The following TPMT variants were observed in gnomAD, a reference collection of about 807,000 sequenced individuals.
TPMT encodes thiopurine S-methyltransferase.
A neutral mutation model predicts 34.2 loss-of-function variants in TPMT; 18 were observed. That is an observed-to-expected ratio of 0.53 (90% CI 0.36 to 0.78). TPMT has a LOEUF of 0.78. Among genes scored for constraint, TPMT ranks in the 30% least tolerant of loss-of-function variants. The probability of loss-of-function intolerance (pLI) is 0.00; values close to 1 mark genes in which losing one functional copy is unlikely to be tolerated. For missense variants in TPMT, 265 were observed against 288.1 expected (o/e 0.92, Z 0.58); for synonymous variants, 69 against 92.4 (o/e 0.75, Z 1.45).
At position 18,150,787 on chromosome 6, in the gene TPMT, G is replaced by A. The variant is rs565350140; in HGVS notation, c.-44-1616C>T. On this transcript the variant is annotated intron_variant, in intron 1 of 8. Transcript: ENST00000309983. This position sits in a 1 kb window ranked among gnomAD's most constrained non-coding sequence, Gnocchi z 5.3. Reference sequence around the variant, plus strand: ...TGGTTAGAAGTGTGGGGGCCATAGGGGGTTGGGCACCCTAAAGGTTTAGTG... The same window carrying A: ...TGGTTAGAAGTGTGGGGGCCATAGGAGGTTGGGCACCCTAAAGGTTTAGTG... Among the ~76,000 whole-genome samples the A allele has an allele frequency of 1.4e-4, 22 of 152,260 alleles. No homozygotes were observed. The highest frequency in any genetic ancestry group is 1.3e-3 in the Admixed American group (20 of 15,282).
At position 18,138,630 on chromosome 6, in the gene TPMT, T is replaced by C. The variant is rs1435907214; in HGVS notation, c.494+333A>G. Among the ~76,000 whole-genome samples the C allele has an allele frequency of 1.3e-5, 2 of 152,122 alleles. No individual in the cohort carries two copies. The highest frequency in any genetic ancestry group is 2.1e-4 in the South Asian group (1 of 4,826). On this transcript the variant is annotated intron_variant, in intron 6 of 8. Coordinates refer to ENST00000309983, the MANE Select transcript of TPMT (RefSeq NM_000367.5). The surrounding 1 kb of genome is among the most constrained non-coding windows in gnomAD (Gnocchi z 4.1). ...GTGACCAGTAAGTATTACCTGGTAA[T>C]ATTAGTGGAGGTGGTGATGATTGTG...
In TPMT at chr6:18,145,149, C is replaced by A. The variant is rs887922574; in HGVS notation, c.234-1421G>T. On this transcript the variant is annotated intron_variant, in intron 3 of 8. Transcript: ENST00000309983. This position sits in a 1 kb window ranked among gnomAD's most constrained non-coding sequence, Gnocchi z 5.6. The stretch of plus-strand genomic sequence containing the variant: ...TCTGCTATAATGTAACAAGTGCCTT[C>A]CTAAAATCACTGCACTATGCTAAAT... Among the ~76,000 whole-genome samples, 2 of 152,130 alleles carry A rather than the reference C, an allele frequency of 1.3e-5. No homozygotes were observed. Among genetic ancestry groups the A allele is most frequent in the Non-Finnish European group, 2.9e-5 (2 of 68,022 alleles).
In TPMT at chr6:18,132,000, C is replaced by G. The variant is rs1481227847; in HGVS notation, c.625+133G>C. 8 of 885,418 alleles carry G rather than the reference C, an allele frequency of 9.0e-6. No homozygotes were observed. The Admixed American group carries it at 1.5e-4, about 16-fold the overall frequency. 54.8% of individuals were successfully genotyped at this position (885,418 alleles called of 1,614,324 possible). Reference sequence around the variant, plus strand: ...CCATGTTGGCCAGGCTGGTCTCGAACTCCTGGCCTCAGGTGATCTGCCCAC... The same window carrying G: ...CCATGTTGGCCAGGCTGGTCTCGAAGTCCTGGCCTCAGGTGATCTGCCCAC... On this transcript the variant is annotated intron_variant, in intron 8 of 8. Transcript: ENST00000309983. The surrounding 1 kb of genome is among the most constrained non-coding windows in gnomAD (Gnocchi z 4.3).
chr6:18,139,638 A>G lies in TPMT; in HGVS notation c.419+27T>C. 6 of 1,599,398 alleles carry G rather than the reference A, an allele frequency of 3.8e-6. No individual in the cohort carries two copies. Among genetic ancestry groups the G allele is most frequent in the African/African-American group, 2.7e-5 (2 of 74,686 alleles). ...TGCCTGGCAAGCATTCAAATTTTTTAAAGTGCAGATGTAGTATTCAACCTA... is the reference window on the plus strand; with the variant it reads ...TGCCTGGCAAGCATTCAAATTTTTTGAAGTGCAGATGTAGTATTCAACCTA... On this transcript the variant is annotated intron_variant, in intron 5 of 8. Coordinates refer to ENST00000309983, the MANE Select transcript of TPMT (RefSeq NM_000367.5). This position sits in a 1 kb window ranked among gnomAD's most constrained non-coding sequence, Gnocchi z 4.2.
In TPMT at chr6:18,154,606, A is replaced by G. The variant is rs1373703035; in HGVS notation, c.-45+427T>C. 6.6e-6 allele frequency among the ~76,000 whole-genome samples: 1 copy of G among 151,358 alleles called. No homozygotes were observed. The highest frequency in any genetic ancestry group is 1.5e-5 in the Non-Finnish European group (1 of 67,818). On this transcript the variant is annotated intron_variant, in intron 1 of 8. Coordinates refer to ENST00000309983, the MANE Select transcript of TPMT (RefSeq NM_000367.5). The surrounding 1 kb of genome is among the most constrained non-coding windows in gnomAD (Gnocchi z 4.2). Reference sequence around the variant, plus strand: ...GAAAAAACCGAGAGTCCGTTTCTATAAAAAAAAATTTGAAAAATTAGCCAA... The same window carrying G: ...GAAAAAACCGAGAGTCCGTTTCTATGAAAAAAAATTTGAAAAATTAGCCAA...
chr6:18,138,160 T>C lies in TPMT; in HGVS notation c.494+803A>G, dbSNP rs542994663. On this transcript the variant is annotated intron_variant, in intron 6 of 8. Transcript: ENST00000309983. This position sits in a 1 kb window ranked among gnomAD's most constrained non-coding sequence, Gnocchi z 4.1. ...TACCAGCTGCTTAACTTTGGACAAGTAACTTAATCTCTTTGACCTCAGTTT... is the reference window on the plus strand; with the variant it reads ...TACCAGCTGCTTAACTTTGGACAAGCAACTTAATCTCTTTGACCTCAGTTT... 7.4e-4 allele frequency among the ~76,000 whole-genome samples: 112 copies of C among 152,308 alleles called. No homozygotes were observed. Among genetic ancestry groups the C allele is most frequent in the Admixed American group, 2.1e-3 (32 of 15,294 alleles).
chr6:18,130,407 A>G lies in TPMT; in HGVS notation c.*261T>C, dbSNP rs1414931832. 1.3e-5 allele frequency: 5 copies of G among 393,394 alleles called. No individual in the cohort carries two copies. The highest frequency in any genetic ancestry group is 2.3e-5 in the Non-Finnish European group (5 of 215,414). The allele number at this position is 393,394 out of a possible 1,614,324, so 24.4% of individuals were successfully genotyped here. ...ATGCTGATTGGTAAAATATCTTGCAATCTGCAAGACACATAGGCATAATCT... is the reference window on the plus strand; with the variant it reads ...ATGCTGATTGGTAAAATATCTTGCAGTCTGCAAGACACATAGGCATAATCT... On this transcript the variant is annotated 3_prime_UTR_variant, in exon 9 of 9. Transcript: ENST00000309983. The surrounding 1 kb of genome is among the most constrained non-coding windows in gnomAD (Gnocchi z 4.2).
chr6:18,148,856 G>T lies in TPMT; in HGVS notation c.140+132C>A. On this transcript the variant is annotated intron_variant, in intron 2 of 8. Transcript: ENST00000309983. The surrounding 1 kb of genome is among the most constrained non-coding windows in gnomAD (Gnocchi z 4.1). ...TCATGCCACAGATGCACTGTGACTCGGGAGACACAAAAATGTGAAGAATTA... is the reference window on the plus strand; with the variant it reads ...TCATGCCACAGATGCACTGTGACTCTGGAGACACAAAAATGTGAAGAATTA... 1.5e-6 allele frequency: 2 copies of T among 1,333,274 alleles called. No homozygotes were observed. The highest frequency in any genetic ancestry group is 2.3e-5 in the East Asian group (1 of 43,146). The allele number at this position is 1,333,274 out of a possible 1,614,324, so 82.6% of individuals were successfully genotyped here.
chr6:18,142,465 C>G (rs1238494899), intron 4 of TPMT, among the ~76,000 whole-genome samples: 1 of 152,110 alleles, frequency 6.6e-6, no homozygotes, highest in Non-Finnish European at 1.5e-5. Context: ...TAGTTGCCCA[C>G]CTCCAGCTTC....
At position 18,148,391 on chromosome 6, in the gene TPMT, A is replaced by G. The variant is rs1379494946; in HGVS notation, c.141-476T>C. Among the ~76,000 whole-genome samples the G allele has an allele frequency of 6.6e-6, 1 of 150,900 alleles. No homozygotes were observed. The highest frequency in any genetic ancestry group is 1.5e-5 in the Non-Finnish European group (1 of 67,862). ...ACAGAAATAACCCAGTGTTTCTGGT[A>G]TGATGATGATGATGATGATGATGTC... On this transcript the variant is annotated intron_variant, in intron 2 of 8. Coordinates refer to ENST00000309983, the MANE Select transcript of TPMT (RefSeq NM_000367.5). The surrounding 1 kb of genome is among the most constrained non-coding windows in gnomAD (Gnocchi z 4.1).
Position 18,149,718 on chromosome 6 carries a change from G to C in TPMT, c.-44-547C>G, listed in dbSNP as rs1175234555. The stretch of plus-strand genomic sequence containing the variant: ...GGGCTCAAGGGATCCTTCTGTCTTG[G>C]CCTCGCAAAGCACTGGGATTACAAG... On this transcript the variant is annotated intron_variant, in intron 1 of 8. Coordinates refer to ENST00000309983, the MANE Select transcript of TPMT (RefSeq NM_000367.5). This position sits in a 1 kb window ranked among gnomAD's most constrained non-coding sequence, Gnocchi z 5.0. Among the ~76,000 whole-genome samples, 2 of 152,022 alleles carry C rather than the reference G, an allele frequency of 1.3e-5. No homozygotes were observed. The highest frequency in any genetic ancestry group is 2.9e-5 in the Non-Finnish European group (2 of 68,008).
At chr6:18,144,936 G>A (rs551688133) in intron 3 of TPMT, among the ~76,000 whole-genome samples, 4 of 151,686 alleles carry the variant, frequency 2.6e-5, no homozygotes, top group Non-Finnish European at 4.4e-5. Flanking sequence ...GGCCAGGCTG[G>A]TCTCGAACTC....
chr6:18,148,952 A>G lies in TPMT; in HGVS notation c.140+36T>C, dbSNP rs201965126. 1.2e-5 allele frequency: 19 copies of G among 1,612,120 alleles called. No individual in the cohort carries two copies. Among genetic ancestry groups the G allele is most frequent in the African/African-American group, 2.7e-5 (2 of 75,010 alleles). Reference sequence around the variant, plus strand: ...TTCTATCTCAAAGTCACTTTTTGATAGAACATTTCTCTATTGTATACCAAA... The same window carrying G: ...TTCTATCTCAAAGTCACTTTTTGATGGAACATTTCTCTATTGTATACCAAA... On this transcript the variant is annotated intron_variant, in intron 2 of 8. Transcript: ENST00000309983. The surrounding 1 kb of genome is among the most constrained non-coding windows in gnomAD (Gnocchi z 4.1).
Position 18,148,015 on chromosome 6 carries a change from G to T in TPMT, c.141-100C>A. 1.1e-6 allele frequency: 1 copy of T among 924,392 alleles called. No individual in the cohort carries two copies. Among genetic ancestry groups the T allele is most frequent in the Non-Finnish European group, 1.7e-6 (1 of 575,982 alleles). The allele number at this position is 924,392 out of a possible 1,614,324, so 57.3% of individuals were successfully genotyped here. A position where few individuals can be genotyped will look rare whatever the true frequency, so the allele number is the denominator to read the frequency against. On this transcript the variant is annotated intron_variant, in intron 2 of 8. Coordinates refer to ENST00000309983, the MANE Select transcript of TPMT (RefSeq NM_000367.5). This position sits in a 1 kb window ranked among gnomAD's most constrained non-coding sequence, Gnocchi z 4.1. ...ATATTCCCAACAACCTTAATAAGCA[G>T]TTACTATTAATTATTATAATCTCCA...
Position 18,153,046 on chromosome 6 carries a change from T to G in TPMT, c.-45+1987A>C, listed in dbSNP as rs1244611113. On this transcript the variant is annotated intron_variant, in intron 1 of 8. Coordinates refer to ENST00000309983, the MANE Select transcript of TPMT (RefSeq NM_000367.5). This position sits in a 1 kb window ranked among gnomAD's most constrained non-coding sequence, Gnocchi z 4.2. ...GTGCATGGTACCCATGAAGCTCAAT[T>G]ACTCATGGGTACTTTCCTCCTTTCA... Among the ~76,000 whole-genome samples the G allele has an allele frequency of 1.3e-5, 2 of 152,212 alleles. No individual in the cohort carries two copies. Among genetic ancestry groups the G allele is most frequent in the Non-Finnish European group, 2.9e-5 (2 of 68,044 alleles).
rs1784433890 is a variant in TPMT at position 18,154,415 on chromosome 6, T to TA, written c.-45+617dup. On this transcript the variant is annotated intron_variant, in intron 1 of 8. Coordinates refer to ENST00000309983, the MANE Select transcript of TPMT (RefSeq NM_000367.5). The surrounding 1 kb of genome is among the most constrained non-coding windows in gnomAD (Gnocchi z 4.2). Reference sequence around the variant, plus strand: ...AAACTTTCCTAAGGTGCACACATCTTAAAAGAGTATGACTCGGTGAATTTT... The same window carrying TA: ...AAACTTTCCTAAGGTGCACACATCTTAAAAAGAGTATGACTCGGTGAATTTT... 6.6e-6 allele frequency among the ~76,000 whole-genome samples: 1 copy of TA among 152,138 alleles called. No individual in the cohort carries two copies. Among genetic ancestry groups the TA allele is most frequent in the African/African-American group, 2.4e-5 (1 of 41,426 alleles).
chr6:18,150,875 AGCT>A lies in TPMT; in HGVS notation c.-44-1707_-44-1705del. 6.6e-6 allele frequency among the ~76,000 whole-genome samples: 1 copy of A among 152,058 alleles called. No homozygotes were observed. Among genetic ancestry groups the A allele is most frequent in the Non-Finnish European group, 1.5e-5 (1 of 68,018 alleles). On this transcript the variant is annotated intron_variant, in intron 1 of 8. Coordinates refer to ENST00000309983, the MANE Select transcript of TPMT (RefSeq NM_000367.5). The surrounding 1 kb of genome is among the most constrained non-coding windows in gnomAD (Gnocchi z 5.3). ...ATTACAGGCATGCACTACCAGGTCC[AGCT>A]AATTTTTGTGTTTTTAATAGAGATG... is the stretch of plus-strand genomic sequence containing the variant.
In TPMT at chr6:18,143,867, AG is replaced by A. The variant is rs141831144; in HGVS notation, c.234-140del. The A allele has an allele frequency of 0.043, 48,150 of 1,119,858 alleles. 1,362 individuals are homozygous for A. Among genetic ancestry groups the A allele is most frequent in the African/African-American group, 0.1 (6,587 of 63,914 alleles). 69.4% of individuals were successfully genotyped at this position (1,119,858 alleles called of 1,614,324 possible). A position where few individuals can be genotyped will look rare whatever the true frequency, so the allele number is the denominator to read the frequency against. On this transcript the variant is annotated intron_variant, in intron 3 of 8. Coordinates refer to ENST00000309983, the MANE Select transcript of TPMT (RefSeq NM_000367.5). This position sits in a 1 kb window ranked among gnomAD's most constrained non-coding sequence, Gnocchi z 6.1. Reference sequence around the variant, plus strand: ...GTTCATAGGGTTTCAAAGAACATGCAGGAAAGCAGATCTATATTATTTTCAA... The same window carrying A: ...GTTCATAGGGTTTCAAAGAACATGCAGAAAGCAGATCTATATTATTTTCAA...
rs1439964929 is a variant in TPMT at position 18,153,615 on chromosome 6, C to G, written c.-45+1418G>C. ...CTGGGAACATGAATTCACTTCTTAG[C>G]AAATATTTGTTGACAAATGGCTTCT... On this transcript the variant is annotated intron_variant, in intron 1 of 8. Coordinates refer to ENST00000309983, the MANE Select transcript of TPMT (RefSeq NM_000367.5). The surrounding 1 kb of genome is among the most constrained non-coding windows in gnomAD (Gnocchi z 4.2). 6.6e-6 allele frequency among the ~76,000 whole-genome samples: 1 copy of G among 152,162 alleles called. No homozygotes were observed. The highest frequency in any genetic ancestry group is 2.4e-5 in the African/African-American group (1 of 41,428).
Sources: gnomAD v4.1 joint callset for allele counts (sites outside exome capture counted in the v4.1 genomes callset) on GRCh38, gnomAD v4.1.1 for gene constraint, Gnocchi (gnomAD v3.1) non-coding constraint, MANE v1.5 for transcripts, NCBI Gene and HGNC (gene_info 2026-07-23, HGNC 2026-07-21) for gene names.